BPNT1: variants seen among roughly 807,000 people sequenced by gnomAD.
BPNT1 encodes the protein 3'(2'),5'-bisphosphate nucleotidase 1.
A neutral mutation model predicts 36.9 loss-of-function variants in BPNT1; 28 were observed. That is an observed-to-expected ratio of 0.76 (90% CI 0.56 to 1.04). The LOEUF is 1.04. Among genes scored for constraint, BPNT1 ranks in the 50% least tolerant of loss-of-function variants. BPNT1 has a pLI of 0.00. For synonymous variants in BPNT1, 119 were observed against 130.9 expected (o/e 0.91, Z 0.62); for missense variants, 313 against 372.9 (o/e 0.84, Z 1.32).
intron 4 of BPNT1, among the ~76,000 whole-genome samples, chr1:220,070,894 T>G (rs1248674650): frequency 6.7e-6 from 1 of 150,234 alleles, no homozygotes; most frequent in Admixed American, 6.6e-5. Flanking sequence ...TCCCAGCACT[T>G]TGGGAGGCTG....
At chr1:220,082,123 G>A (rs373543268) in intron 1 of BPNT1, among the ~76,000 whole-genome samples, 279 of 134,390 alleles carry the variant, frequency 2.1e-3, no homozygotes, top group African/African-American at 4.4e-3. Context: ...GAGAGAGAGT[G>A]TATATATATA....
rs1367102795 is a variant in BPNT1 at position 220,064,278 on chromosome 1, ACAT to A, written c.475-1327_475-1325del. Among the ~76,000 whole-genome samples the A allele has an allele frequency of 2.6e-5, 4 of 152,320 alleles. No individual in the cohort carries two copies. The East Asian group carries it at 7.7e-4, about 29-fold the overall frequency. On this transcript the variant is annotated intron_variant, in intron 6 of 8. Transcript: ENST00000322067. The stretch of plus-strand genomic sequence containing the variant: ...GTTTACCTGTCAAATGTTTTCACAC[ACAT>A]CATCTTATTTGTCCTAGAGCAGTAC...
intron 2 of BPNT1, among the ~76,000 whole-genome samples, chr1:220,079,452 C>A (rs1664905542): frequency 6.6e-6 from 1 of 151,892 alleles, no homozygotes; most frequent in African/African-American, 2.4e-5. Flanking sequence ...TGGGATTTCA[C>A]CATGTTGGCC....
intron 1 of BPNT1, among the ~76,000 whole-genome samples, chr1:220,082,085 T>TATATAGAGAGAGAGAGAGAGAG: frequency 9.7e-6 from 1 of 103,296 alleles, no homozygotes; most frequent in African/African-American, 3.8e-5. Flanking sequence ...TATATATATA[T>TATATAGAGAGAGAGAGAGAGAG]AGAGAGAGAG....
At position 220,063,176 on chromosome 1, in the gene BPNT1, G is replaced by A. The variant is rs377034351; in HGVS notation, c.475-222C>T. ...ATCCTGGCTAACACGGTGAAACCCC[G>A]TCTCTAATAAAAATACAAAAAATTA... is the stretch of plus-strand genomic sequence containing the variant. On this transcript the variant is annotated intron_variant, in intron 6 of 8. Transcript: ENST00000322067. Among the ~76,000 whole-genome samples the A allele has an allele frequency of 1.6e-4, 25 of 152,152 alleles. No homozygotes were observed. The East Asian group carries it at 2.9e-3, about 18-fold the overall frequency.
intron 1 of BPNT1, among the ~76,000 whole-genome samples, chr1:220,088,185 T>C (rs890201568): frequency 4.6e-5 from 7 of 151,716 alleles, no homozygotes; most frequent in Admixed American, 1.3e-4. Flanking sequence ...TTGTTTATTT[T>C]TAAGATTGGC....
intron 2 of BPNT1, 58 bp from the exon 3 acceptor site, chr1:220,074,129 T>A: frequency 6.8e-7 from 1 of 1,476,240 alleles, no homozygotes; most frequent in Admixed American, 1.8e-5. Context: ...GTCCTCTGAT[T>A]CCTTGTGCAT....
intron 7 of BPNT1, among the ~76,000 whole-genome samples, chr1:220,061,336 G>A (rs1392942899): frequency 6.6e-6 from 1 of 151,946 alleles, no homozygotes; most frequent in African/African-American, 2.4e-5. Context: ...TGGTTATAGT[G>A]TAAAATAATT....
At chr1:220,085,905 A>G (rs1300345457) in intron 1 of BPNT1, among the ~76,000 whole-genome samples, 2 of 152,260 alleles carry the variant, frequency 1.3e-5, no homozygotes, top group East Asian at 1.9e-4. Context: ...GTTTCTTCTC[A>G]TATAACGATT....
At position 220,079,355 on chromosome 1, in the gene BPNT1, C is replaced by T. The variant is rs561824806; in HGVS notation, c.120+372G>A. ...GCAACCTCTGCCTCCCGGGTTCAAG[C>T]GATTCTCCTGCCTCAGCCTCCCAAG... On this transcript the variant is annotated intron_variant, in intron 2 of 8. Coordinates refer to ENST00000322067, the MANE Select transcript of BPNT1 (RefSeq NM_006085.6). Among the ~76,000 whole-genome samples, 3 of 151,912 alleles carry T rather than the reference C, an allele frequency of 2.0e-5. No individual in the cohort carries two copies. The South Asian group carries it at 6.2e-4, about 32-fold the overall frequency.
chr1:220,060,752 G>C (rs780995957), intron 7 of BPNT1, among the ~76,000 whole-genome samples: 1 of 152,134 alleles, frequency 6.6e-6, no homozygotes, highest in African/African-American at 2.4e-5. Flanking sequence ...AGGAAGTCCT[G>C]AGAACATGTG....
At chr1:220,073,190 G>T (rs75604527) in intron 3 of BPNT1, among the ~76,000 whole-genome samples, 4,646 of 152,230 alleles carry the variant, frequency 0.031, 117 homozygotes, top group East Asian at 0.11. Context: ...AGTTTAAAAA[G>T]AAAAGAATTT....
intron 4 of BPNT1, among the ~76,000 whole-genome samples, chr1:220,069,745 G>C (rs1245404183): frequency 6.6e-6 from 1 of 151,992 alleles, no homozygotes; most frequent in South Asian, 2.1e-4. Flanking sequence ...AGACCAGCCC[G>C]GCCAAAGTGG....
At chr1:220,065,995 T>G (rs1054145359) in intron 6 of BPNT1, 43 of 1,098,972 alleles carry the variant, frequency 3.9e-5, no homozygotes, top group Non-Finnish European at 5.2e-5. Flanking sequence ...GGATGTACAA[T>G]GACCACCTGG....
At chr1:220,075,123 A>T (rs1473054740) in intron 2 of BPNT1, among the ~76,000 whole-genome samples, 2 of 152,138 alleles carry the variant, frequency 1.3e-5, no homozygotes, top group African/African-American at 4.8e-5. Context: ...AGCTCACTGC[A>T]ACCTTTGCCT....
intron 4 of BPNT1, 95 bp from the exon 5 acceptor site, chr1:220,069,527 T>C: frequency 1.1e-6 from 1 of 917,392 alleles, no homozygotes; most frequent in Non-Finnish European, 1.6e-6. Flanking sequence ...TTTTTTCCTG[T>C]TTGAAATTGT....
chr1:220,077,590 T>C (rs984836139), intron 2 of BPNT1, among the ~76,000 whole-genome samples: 3 of 152,020 alleles, frequency 2.0e-5, no homozygotes, highest in Admixed American at 2.0e-4. Context: ...CCAGGCTGAT[T>C]TTTACATTAA....
At chr1:220,059,474 C>CA (rs1017560869) in intron 8 of BPNT1, among the ~76,000 whole-genome samples, 1 of 150,502 alleles carries the variant, frequency 6.6e-6, no homozygotes, top group African/African-American at 2.4e-5. Context: ...GATCAAAGTT[C>CA]AAAAAAAGAG....
chr1:220,070,656 G>A (rs1035021699), intron 4 of BPNT1, among the ~76,000 whole-genome samples: 1 of 151,282 alleles, frequency 6.6e-6, no homozygotes, highest in Non-Finnish European at 1.5e-5. Flanking sequence ...TAGAGATGGG[G>A]TTTCACCATG....
Sources: gnomAD v4.1 joint callset for allele counts (sites outside exome capture counted in the v4.1 genomes callset) on GRCh38, gnomAD v4.1.1 for gene constraint, MANE v1.5 for transcripts, NCBI Gene and HGNC (gene_info 2026-07-23, HGNC 2026-07-21) for gene names.